Variants in PRKCB observed in about 807,000 individuals in gnomAD.
PRKCB encodes the protein protein kinase C beta, also known as protein kinase C beta type.
PRKCB carries 13 observed loss-of-function variants against 81.5 expected under a neutral mutation model. The ratio of observed to expected loss-of-function variants is 0.16; its 90% CI spans 0.10 to 0.25. The LOEUF (loss-of-function observed/expected upper bound fraction) is 0.25. Ranked by LOEUF, PRKCB falls within the 10% of genes least tolerant of loss-of-function variation. The pLI is 1.00. For missense variants in PRKCB, 509 were observed against 875.7 expected (o/e 0.58, Z 5.29); for synonymous variants, 335 against 321.4 (o/e 1.04, Z -0.45).
At chr16:24,087,657 A>G (rs577886829) in intron 5 of PRKCB, among the ~76,000 whole-genome samples, 2 of 152,370 alleles carry the variant, frequency 1.3e-5, no homozygotes, top group South Asian at 4.1e-4. Context: ...TGGGATCGGG[A>G]TATGAAAGCA....
At chr16:24,030,399 A>AG (rs1277781717) in intron 3 of PRKCB, among the ~76,000 whole-genome samples, 13 of 145,326 alleles carry the variant, frequency 8.9e-5, no homozygotes, top group African/African-American at 3.3e-4. Context: ...GGGTGGGAGG[A>AG]GGGGGCTTAG....
intron 2 of PRKCB, among the ~76,000 whole-genome samples, chr16:23,882,017 T>C (rs78400869): frequency 0.029 from 447 of 15,568 alleles, 3 homozygotes; most frequent in Admixed American, 0.046. Flanking sequence ...TTTCTTTCTT[T>C]CTTTCTTCCT....
chr16:23,954,343 G>A (rs1361548505), intron 2 of PRKCB, among the ~76,000 whole-genome samples: 2 of 152,166 alleles, frequency 1.3e-5, no homozygotes, highest in African/African-American at 4.8e-5. Flanking sequence ...GTGACCACCG[G>A]AGCTCTGTTA....
At chr16:24,167,536 G>A (rs1198680840) in intron 10 of PRKCB, among the ~76,000 whole-genome samples, 1 of 151,846 alleles carries the variant, frequency 6.6e-6, no homozygotes, top group Non-Finnish European at 1.5e-5. Context: ...CTCCAGACTG[G>A]GCGACAGAGT....
intron 2 of PRKCB, among the ~76,000 whole-genome samples, chr16:23,955,543 G>T (rs1365728866): frequency 1.3e-5 from 2 of 152,172 alleles, no homozygotes; most frequent in African/African-American, 2.4e-5. Context: ...GTGTTTATAA[G>T]TGTGGGAGGC....
chr16:24,205,664 C>T (rs545606534), intron 16 of PRKCB, among the ~76,000 whole-genome samples: 1 of 152,250 alleles, frequency 6.6e-6, no homozygotes, highest in African/African-American at 2.4e-5. Context: ...GTATCTGGCT[C>T]ATAGTTAGTG....
chr16:23,882,000 T>TTCTTTC (rs1555481644), intron 2 of PRKCB, among the ~76,000 whole-genome samples: 13 of 81,640 alleles, frequency 1.6e-4, no homozygotes, highest in African/African-American at 6.5e-4. Context: ...CTTTCTTTCT[T>TTCTTTC]TCTTTCTTTC....
chr16:23,952,269 C>G (rs1964293812), intron 2 of PRKCB, among the ~76,000 whole-genome samples: 1 of 152,168 alleles, frequency 6.6e-6, no homozygotes, highest in African/African-American at 2.4e-5. Flanking sequence ...CCCCTCATTC[C>G]AAGAGAGCCT....
chr16:23,869,150 T>C (rs1290274341), intron 2 of PRKCB: 3 of 453,648 alleles, frequency 6.6e-6, no homozygotes, highest in African/African-American at 6.0e-5. Context: ...TGTGGAGCAT[T>C]GGCCAATGGA....
chr16:24,164,035 A>G (rs1441710818), intron 10 of PRKCB, among the ~76,000 whole-genome samples: 1 of 152,250 alleles, frequency 6.6e-6, no homozygotes, highest in African/African-American at 2.4e-5. Context: ...GAAAATCATT[A>G]AAGATCATTA....
rs561558566 is a variant in PRKCB at position 23,889,879 on chromosome 16, A to G, written c.205+52473A>G. ...ATCTATTTACAATAATTCCAGTCTC[A>G]TTTTATTTCCCTTCCCTTTTCTTTT... On this transcript the variant is annotated intron_variant, in intron 2 of 16. Transcript: ENST00000643927. Among the ~76,000 whole-genome samples, 5 of 152,222 alleles carry G rather than the reference A, an allele frequency of 3.3e-5. No individual in the cohort carries two copies. In the East Asian group the frequency reaches 7.7e-4, roughly 23 times the overall value.
At chr16:24,088,313 C>G (rs1443677169) in intron 5 of PRKCB, among the ~76,000 whole-genome samples, 2 of 152,082 alleles carry the variant, frequency 1.3e-5, no homozygotes, top group African/African-American at 4.8e-5. Flanking sequence ...AAAGTTTTGG[C>G]CCCTTTGGTA....
At chr16:24,074,030 G>A (rs1190615113) in intron 5 of PRKCB, among the ~76,000 whole-genome samples, 1 of 152,090 alleles carries the variant, frequency 6.6e-6, no homozygotes, top group Non-Finnish European at 1.5e-5. Flanking sequence ...AGCTGCTGGG[G>A]AGGCTGAGGC....
At chr16:24,008,823 A>T (rs910588625) in intron 3 of PRKCB, among the ~76,000 whole-genome samples, 70 of 152,308 alleles carry the variant, frequency 4.6e-4, no homozygotes, top group African/African-American at 1.6e-3. Flanking sequence ...CTTGACTGAA[A>T]CTTGATGCCC....
intron 3 of PRKCB, among the ~76,000 whole-genome samples, chr16:23,989,123 G>T (rs1388747077): frequency 6.6e-6 from 1 of 152,094 alleles, no homozygotes; most frequent in Non-Finnish European, 1.5e-5. Flanking sequence ...ACTATGCCTG[G>T]CTAATTTTTT....
intron 3 of PRKCB, among the ~76,000 whole-genome samples, chr16:24,021,359 T>TGCCTCCCTCCCTCCC (rs1965400438): frequency 3.6e-5 from 1 of 27,774 alleles, no homozygotes; most frequent in South Asian, 2.6e-3. Context: ...TCCTTCCTCC[T>TGCCTCCCTCCCTCCC]TCCCTCCCTC....
intron 2 of PRKCB, among the ~76,000 whole-genome samples, chr16:23,968,724 G>C (rs1393308896): frequency 6.6e-6 from 1 of 152,190 alleles, no homozygotes; most frequent in Non-Finnish European, 1.5e-5. Context: ...GGAACAAGCA[G>C]CACGTAACTC....
chr16:24,065,364 T>C (rs1008405820), intron 5 of PRKCB, among the ~76,000 whole-genome samples: 1 of 151,956 alleles, frequency 6.6e-6, no homozygotes, highest in African/African-American at 2.4e-5. Context: ...AGTCATGTAT[T>C]GTTTTTATTA....
intron 2 of PRKCB, among the ~76,000 whole-genome samples, chr16:23,852,821 T>A (rs1339269462): frequency 6.6e-6 from 1 of 152,212 alleles, no homozygotes; most frequent in Non-Finnish European, 1.5e-5. Context: ...TTATGCCCAC[T>A]TTTCTGTTAT....
Sources: gnomAD v4.1 joint callset for allele counts (sites outside exome capture counted in the v4.1 genomes callset) on GRCh38, gnomAD v4.1.1 for gene constraint, MANE v1.5 for transcripts, NCBI Gene and HGNC (gene_info 2026-07-23, HGNC 2026-07-21) for gene names.